Variants in EPSTI1 observed in about 807,000 individuals in gnomAD.
EPSTI1 encodes the protein epithelial stromal interaction 1.
Under a neutral mutation model 49.9 loss-of-function variants are expected in EPSTI1, and 66 were observed. The ratio of observed to expected loss-of-function variants is 1.32; its 90% CI spans 1.08 to 1.62. The LOEUF is 1.62. EPSTI1 is among the 40% of genes most tolerant of loss of function. The pLI, the probability that EPSTI1 is intolerant of heterozygous loss-of-function variation, is 0.00. For synonymous variants in EPSTI1, 137 were observed against 130.7 expected (o/e 1.05, Z -0.33); for missense variants, 394 against 365.5 (o/e 1.08, Z -0.64).
rs749013325 is a variant in EPSTI1 at position 42,980,731 on chromosome 13, CAA to C, written c.189-10063_189-10062del. Among the ~76,000 whole-genome samples the C allele has an allele frequency of 3.6e-4, 55 of 152,026 alleles. 1 individual carries two copies. The highest frequency in any genetic ancestry group is 4.6e-4 in the Admixed American group (7 of 15,254). On this transcript the variant is annotated intron_variant, in intron 1 of 10. Transcript: ENST00000313624. ...AGGTTTTCTACTTGGAATAAAGAGT[CAA>C]AGAGTGCAATCTGTACTTTAGAGAT... is the stretch of plus-strand genomic sequence containing the variant.
intron 10 of EPSTI1, among the ~76,000 whole-genome samples, chr13:42,890,384 G>A (rs2036999757): frequency 7.0e-6 from 1 of 143,248 alleles, no homozygotes; most frequent in African/African-American, 2.6e-5. Flanking sequence ...CGCAAGCTCC[G>A]CCTCCCAGGT....
chr13:42,963,083 T>C (rs2039504075), intron 5 of EPSTI1, among the ~76,000 whole-genome samples, 172 bp downstream of exon 5: 1 of 151,992 alleles, frequency 6.6e-6, no homozygotes, highest in Non-Finnish European at 1.5e-5. Flanking sequence ...GAATCTTCCT[T>C]TGAAGGATAA....
In EPSTI1 at chr13:42,888,435, G is replaced by GCAT. The variant is rs1469164089; in HGVS notation, c.*56_*58dup. 2 of 1,613,916 alleles carry GCAT rather than the reference G, an allele frequency of 1.2e-6. No homozygotes were observed. The highest frequency in any genetic ancestry group is 2.7e-5 in the African/African-American group (2 of 74,904). ...CTGAACAAAATCACATTAAGAAAAAGCATCTCATGAGGCTTTTCGAGGTCA... is the reference window on the plus strand; with the variant it reads ...CTGAACAAAATCACATTAAGAAAAAGCATCATCTCATGAGGCTTTTCGAGGTCA... On this transcript the variant is annotated 3_prime_UTR_variant, in exon 11 of 11. Coordinates refer to ENST00000313624, the MANE Select transcript of EPSTI1 (RefSeq NM_033255.5).
rs1392033665 is a variant in EPSTI1 at position 42,981,495 on chromosome 13, T to C, written c.188+10483A>G. Among the ~76,000 whole-genome samples the C allele has an allele frequency of 1.3e-5, 2 of 152,216 alleles. 1 individual carries two copies. The highest frequency in any genetic ancestry group is 2.9e-5 in the Non-Finnish European group (2 of 68,044). Reference sequence around the variant, plus strand: ...AGCAATTCCCATTCATTTTTGGTGATATTGTATTTGAACAAAAATGATTGC... The same window carrying C: ...AGCAATTCCCATTCATTTTTGGTGACATTGTATTTGAACAAAAATGATTGC... On this transcript the variant is annotated intron_variant, in intron 1 of 10. Transcript: ENST00000313624.
chr13:42,987,111 G>C (rs188740938), intron 1 of EPSTI1, among the ~76,000 whole-genome samples: 2 of 152,238 alleles, frequency 1.3e-5, no homozygotes, highest in African/African-American at 4.8e-5. Context: ...TCAAAACTGG[G>C]GAAGGGGAGA....
rs1268009841 is a variant in EPSTI1 at position 42,926,339 on chromosome 13, T to A, written c.654A>T (p.Thr218=). 1 of 1,584,868 alleles carries A rather than the reference T, an allele frequency of 6.3e-7. No homozygotes were observed. Among genetic ancestry groups the A allele is most frequent in the South Asian group, 1.1e-5 (1 of 90,464 alleles). Reference sequence around the variant, plus strand: ...CCCTGCAAAGTAATTCACTTACCCATGTTGAGGATTGTGGGCCACAAACAG... The same window carrying A: ...CCCTGCAAAGTAATTCACTTACCCAAGTTGAGGATTGTGGGCCACAAACAG... The part of the protein sequence containing the change: ...QSAVCGPQSS[T]WARSWAYRDS... Residue 218 remains threonine (T), a synonymous_variant, in exon 7 of 11, where the codon ACA becomes ACT. Coordinates refer to ENST00000313624, the MANE Select transcript of EPSTI1 (RefSeq NM_033255.5).
intron 3 of EPSTI1, among the ~76,000 whole-genome samples, chr13:42,967,748 C>G (rs570321117): frequency 6.6e-6 from 1 of 152,160 alleles, no homozygotes; most frequent in African/African-American, 2.4e-5. Flanking sequence ...GGAAGAAGAA[C>G]GAGCAGTCAG....
chr13:42,954,447 T>TC (rs2039198502), intron 5 of EPSTI1, among the ~76,000 whole-genome samples: 2 of 152,214 alleles, frequency 1.3e-5, no homozygotes, highest in South Asian at 4.1e-4. Flanking sequence ...ACTAAAGTAT[T>TC]TGAGAAGAGA....
chr13:42,910,619 C>A (rs1325253602), intron 8 of EPSTI1, among the ~76,000 whole-genome samples: 2 of 152,152 alleles, frequency 1.3e-5, no homozygotes, highest in Admixed American at 1.3e-4. Flanking sequence ...TTTGCACAGG[C>A]AAATTGCTCC....
At chr13:42,988,195 C>T (rs778138983) in intron 1 of EPSTI1, among the ~76,000 whole-genome samples, 5 of 152,100 alleles carry the variant, frequency 3.3e-5, no homozygotes, top group Non-Finnish European at 5.9e-5. Context: ...AAATGCATGT[C>T]TTTGTCTTAT....
chr13:42,913,111 A>C (rs1380426564), intron 8 of EPSTI1, among the ~76,000 whole-genome samples: 1 of 152,074 alleles, frequency 6.6e-6, no homozygotes, highest in Non-Finnish European at 1.5e-5. Context: ...GAGAAGAAAA[A>C]AAACAGTAAA....
chr13:42,942,292 G>A (rs1339139461), intron 6 of EPSTI1, among the ~76,000 whole-genome samples: 5 of 152,076 alleles, frequency 3.3e-5, no homozygotes, highest in African/African-American at 1.2e-4. Context: ...AATTTAGCCT[G>A]TATACATTTT....
chr13:42,919,458 C>T (rs1028811762), intron 7 of EPSTI1: 21 of 840,176 alleles, frequency 2.5e-5, no homozygotes, highest in Non-Finnish European at 4.0e-5. Flanking sequence ...AATACAATAC[C>T]AATGCTATAT....
chr13:42,938,072 ACCTT>A (rs2038623730), intron 6 of EPSTI1, among the ~76,000 whole-genome samples: 1 of 152,036 alleles, frequency 6.6e-6, no homozygotes, highest in Non-Finnish European at 1.5e-5. Flanking sequence ...AGCATGTTTG[ACCTT>A]GAACTTTTGA....
intron 6 of EPSTI1, among the ~76,000 whole-genome samples, chr13:42,949,231 C>G (rs906181594): frequency 6.6e-6 from 1 of 152,196 alleles, no homozygotes; most frequent in African/African-American, 2.4e-5. Context: ...GACACTCTTA[C>G]CCCTTCCAGG....
At chr13:42,950,389 G>C (rs1182629909) in intron 6 of EPSTI1, among the ~76,000 whole-genome samples, 1 of 152,242 alleles carries the variant, frequency 6.6e-6, no homozygotes, top group Non-Finnish European at 1.5e-5. Flanking sequence ...CGTACAATTA[G>C]AAAGCAACCT....
At chr13:42,969,447 T>C (rs978208266) in intron 2 of EPSTI1, 2 of 412,048 alleles carry the variant, frequency 4.9e-6, no homozygotes, top group African/African-American at 2.0e-5. Context: ...GTATAGATTT[T>C]CCTACCATTC....
At chr13:42,906,512 CACA>C (rs1412567416) in intron 8 of EPSTI1, among the ~76,000 whole-genome samples, 2 of 152,196 alleles carry the variant, frequency 1.3e-5, no homozygotes, top group Non-Finnish European at 2.9e-5. Flanking sequence ...GTTCTCTCAA[CACA>C]ACAAGAGGAA....
At position 42,922,545 on chromosome 13, in the gene EPSTI1, T is replaced by C. The variant is rs372315682; in HGVS notation, c.657+3791A>G. Among the ~76,000 whole-genome samples, 1 of 152,314 alleles carries C rather than the reference T, an allele frequency of 6.6e-6. No homozygotes were observed. Among genetic ancestry groups the C allele is most frequent in the Admixed American group, 6.5e-5 (1 of 15,306 alleles). ...ACCATTCCTGTTGATACCCTCATTT[T>C]AGCATTTTAAAACCCATTTTTATTG... is the stretch of plus-strand genomic sequence containing the variant. On this transcript the variant is annotated intron_variant, in intron 7 of 10. Coordinates refer to ENST00000313624, the MANE Select transcript of EPSTI1 (RefSeq NM_033255.5). This position sits in a 1 kb window ranked among gnomAD's most constrained non-coding sequence, Gnocchi z 4.8.
Sources: allele counts gnomAD v4.1 joint callset (sites outside exome capture counted in the v4.1 genomes callset), GRCh38; gene constraint gnomAD v4.1.1; non-coding constraint Gnocchi (gnomAD v3.1); transcripts MANE v1.5; gene names NCBI Gene and HGNC (gene_info 2026-07-23, HGNC 2026-07-21).